POLR1A: variants seen among roughly 807,000 people sequenced by gnomAD.
POLR1A encodes DNA-directed RNA polymerase I subunit RPA1.
In POLR1A, 84 loss-of-function variants were observed where a neutral mutation model predicts 205.3. The ratio of observed to expected loss-of-function variants is 0.41; its 90% CI spans 0.34 to 0.49. The LOEUF is 0.49. Among genes scored for constraint, POLR1A ranks in the 20% least tolerant of loss-of-function variants. POLR1A has a pLI of 0.22. For missense variants in POLR1A, 1,645 were observed against 2,204.5 expected, an observed-to-expected ratio of 0.75 and a Z score of 5.08; for synonymous variants, 799 against 863.7, an observed-to-expected ratio of 0.93 and a Z score of 1.31.
At position 86,069,910 on chromosome 2, in the gene POLR1A, GC is replaced by G; in HGVS notation, c.1866+107del. The G allele has an allele frequency of 3.3e-6, 4 of 1,205,972 alleles. No individual in the cohort carries two copies. The South Asian group carries it at 6.8e-5, about 21-fold the overall frequency. The allele number at this position is 1,205,972 out of a possible 1,614,324, so 74.7% of individuals were successfully genotyped here. A position where few individuals can be genotyped will look rare whatever the true frequency, so the allele number is the denominator to read the frequency against. ...GAAACCAGGACCCTCCATTCCAGGC[GC>G]CCCTGTCCTGGAGCTGCCCAATGAC... On this transcript the variant is annotated intron_variant, in intron 13 of 33. Coordinates refer to ENST00000263857, the MANE Select transcript of POLR1A (RefSeq NM_015425.6).
chr2:86,040,179 A>C, intron 25 of POLR1A: 1 of 410,796 alleles, frequency 2.4e-6, no homozygotes, highest in Non-Finnish European at 4.3e-6. Flanking sequence ...TGGCAGAGGA[A>C]TAAATGGAGA....
chr2:86,084,551 C>G (rs1335912544), intron 6 of POLR1A, among the ~76,000 whole-genome samples: 1 of 152,182 alleles, frequency 6.6e-6, no homozygotes, highest in Non-Finnish European at 1.5e-5. Flanking sequence ...TGTCTGTGTT[C>G]CTAACACTTG....
intron 13 of POLR1A, 22 bp from the exon 14 acceptor site, chr2:86,065,487 A>T: frequency 6.3e-7 from 1 of 1,594,796 alleles, no homozygotes; most frequent in South Asian, 1.1e-5. Flanking sequence ...AACAGACAAC[A>T]CAAGAAGAAT....
chr2:86,043,487 G>T (rs1485831630), intron 22 of POLR1A, among the ~76,000 whole-genome samples: 1 of 152,154 alleles, frequency 6.6e-6, no homozygotes, highest in Admixed American at 6.5e-5. Context: ...GAGTTTCTGG[G>T]AAGAAAGGAA....
chr2:86,031,083 G>C (rs771543661), intron 30 of POLR1A, among the ~76,000 whole-genome samples: 18 of 152,200 alleles, frequency 1.2e-4, no homozygotes, highest in Non-Finnish European at 2.2e-4. Flanking sequence ...TGACACGTGT[G>C]GGCCCTTTTT....
rs1284608579 is a variant in POLR1A, at chr2:86,028,752, C to A, written c.4780-41G>T. Reference sequence around the variant, plus strand: ...AAGGGATTTATTTAGAGGGCCTGGCCTTCTGCTCCCTTCTGCCTGCGTATC... The same window carrying A: ...AAGGGATTTATTTAGAGGGCCTGGCATTCTGCTCCCTTCTGCCTGCGTATC... On this transcript the variant is annotated intron_variant, in intron 31 of 33. Coordinates refer to ENST00000263857, the MANE Select transcript of POLR1A (RefSeq NM_015425.6). This position sits in a 1 kb window ranked among gnomAD's most constrained non-coding sequence, Gnocchi z 4.5. 5.8e-6 allele frequency: 8 copies of A among 1,386,770 alleles called. 1 individual carries two copies. In the South Asian group the frequency reaches 9.3e-5, roughly 16 times the overall value. The allele number at this position is 1,386,770 out of a possible 1,614,324, so 85.9% of individuals were successfully genotyped here. A position where few individuals can be genotyped will look rare whatever the true frequency, so the allele number is the denominator to read the frequency against.
At chr2:86,071,254 G>T (rs12714166) in intron 12 of POLR1A, among the ~76,000 whole-genome samples, 1 of 145,838 alleles carries the variant, frequency 6.9e-6, no homozygotes, top group African/African-American at 2.6e-5. Flanking sequence ...GTGTGTGTGT[G>T]TGTGTGTCTA....
intron 28 of POLR1A, 32 bp from the exon 29 acceptor site, chr2:86,032,414 A>G: frequency 1.4e-6 from 2 of 1,435,100 alleles, no homozygotes; most frequent in Non-Finnish European, 2.0e-6. Context: ...GAAAAAGATT[A>G]ACTCCAATAT....
intron 11 of POLR1A, among the ~76,000 whole-genome samples, chr2:86,075,519 T>G (rs1673264993): frequency 6.6e-6 from 1 of 152,204 alleles, no homozygotes; most frequent in Non-Finnish European, 1.5e-5. Context: ...ATAATTTTTT[T>G]TTCTTTGAGA....
chr2:86,041,685 C>T (rs972328782), intron 24 of POLR1A, among the ~76,000 whole-genome samples: 5 of 152,142 alleles, frequency 3.3e-5, no homozygotes, highest in African/African-American at 4.8e-5. Context: ...ATGGGGGTGT[C>T]CACTCCTGCC....
chr2:86,032,575 G>A (rs1438334474), intron 28 of POLR1A, among the ~76,000 whole-genome samples, 193 bp from the exon 29 acceptor site: 1 of 151,732 alleles, frequency 6.6e-6, no homozygotes, highest in African/African-American at 2.4e-5. Context: ...TCCAGTCCCA[G>A]AACCCAGGCC....
intron 25 of POLR1A, chr2:86,040,132 G>A: frequency 2.8e-6 from 1 of 361,368 alleles, no homozygotes; most frequent in Non-Finnish European, 5.0e-6. Context: ...GCAGTGTGCA[G>A]TCTCACAGGC....
rs6724758 is a variant in POLR1A, at chr2:86,086,207, C to T, written c.730+2359G>A. ...CTGAGTAGCTGGGATTACAGGCGTG[C>T]GCCACCACACCCGGCTAATTTTTTT... On this transcript the variant is annotated intron_variant, in intron 6 of 33. Transcript: ENST00000263857. 4.9e-3 allele frequency among the ~76,000 whole-genome samples: 742 copies of T among 152,112 alleles called. 10 individuals carry two copies. Among genetic ancestry groups the T allele is most frequent in the African/African-American group, 0.017 (714 of 41,508 alleles).
chr2:86,028,899 C>T lies in POLR1A; in HGVS notation c.4780-188G>A. ...GCTAGGCAGAGCTGCTGACGGCTCG[C>T]TGGCCGGGGCCCAAGGTCTGTATCG... On this transcript the variant is annotated intron_variant, in intron 31 of 33. Coordinates refer to ENST00000263857, the MANE Select transcript of POLR1A (RefSeq NM_015425.6). The surrounding 1 kb of genome is among the most constrained non-coding windows in gnomAD (Gnocchi z 4.5). 1.7e-6 allele frequency: 1 copy of T among 579,052 alleles called. No homozygotes were observed. Among genetic ancestry groups the T allele is most frequent in the South Asian group, 2.1e-5 (1 of 47,390 alleles). 35.9% of individuals were successfully genotyped at this position (579,052 alleles called of 1,614,324 possible). A position where few individuals can be genotyped will look rare whatever the true frequency, so the allele number is the denominator to read the frequency against.
At chr2:86,035,019 C>T (rs529223773) in intron 27 of POLR1A, among the ~76,000 whole-genome samples, 1 of 152,226 alleles carries the variant, frequency 6.6e-6, no homozygotes, top group Non-Finnish European at 1.5e-5. Context: ...TACAGGCATG[C>T]ACCACCATGC....
chr2:86,030,640 T>C (rs1018208154), intron 30 of POLR1A, among the ~76,000 whole-genome samples: 6 of 152,126 alleles, frequency 3.9e-5, no homozygotes, highest in Non-Finnish European at 5.9e-5. Context: ...GGTGACAACA[T>C]TGAGATTCAC....
chr2:86,041,190 T>TGTGTGCACGCGCGC (rs1212728761), intron 24 of POLR1A, among the ~76,000 whole-genome samples: 7 of 41,982 alleles, frequency 1.7e-4, no homozygotes, highest in African/African-American at 4.2e-4. Flanking sequence ...TGTGTGTGTG[T>TGTGTGCACGCGCGC]GCGCGCTGAG....
Position 86,045,840 on chromosome 2 carries a change from GAAAGTATAATCT to G in POLR1A, c.2734-83_2734-72del, listed in dbSNP as rs1401435639. ...TTTAACAGTGCTTTGTCCCAGCAGGGAAAGTATAATCTGACCTTGAAGAAAAGCTGCATGGAA... is the reference window on the plus strand; with the variant it reads ...TTTAACAGTGCTTTGTCCCAGCAGGGGACCTTGAAGAAAAGCTGCATGGAA... On this transcript the variant is annotated intron_variant, in intron 19 of 33. Transcript: ENST00000263857. 107 of 1,384,042 alleles carry G rather than the reference GAAAGTATAATCT, an allele frequency of 7.7e-5. No homozygotes were observed. In the African/African-American group the frequency reaches 1.5e-3, roughly 20 times the overall value. 85.7% of individuals were successfully genotyped at this position (1,384,042 alleles called of 1,614,324 possible). A position where few individuals can be genotyped will look rare whatever the true frequency, so the allele number is the denominator to read the frequency against.
At chr2:86,053,035 G>A (rs1405043476) in intron 15 of POLR1A, 35 bp from the exon 16 acceptor site, 1 of 1,503,202 alleles carries the variant, frequency 6.7e-7, no homozygotes, top group Non-Finnish European at 9.0e-7. Context: ...CCGGGCTGCG[G>A]GTGATGCCTC....
Sources: gnomAD v4.1 joint callset for allele counts (sites outside exome capture counted in the v4.1 genomes callset) on GRCh38, gnomAD v4.1.1 for gene constraint, Gnocchi (gnomAD v3.1) non-coding constraint, MANE v1.5 for transcripts, NCBI Gene and HGNC (gene_info 2026-07-23, HGNC 2026-07-21) for gene names.